Variants in PDE4D observed in about 807,000 individuals in gnomAD.
The protein encoded by PDE4D is phosphodiesterase 4D, also known as 3',5'-cyclic-AMP phosphodiesterase 4D.
PDE4D carries 24 observed loss-of-function variants against 87.4 expected under a neutral mutation model. The observed-to-expected ratio is 0.27, with a 90% CI of 0.20 to 0.39. The LOEUF is 0.39. Ranked by LOEUF, PDE4D falls within the 10% of genes least tolerant of loss-of-function variation. The pLI, the probability that PDE4D is intolerant of heterozygous loss-of-function variation, is 1.00. For synonymous variants in PDE4D, 384 were observed against 383.2 expected, an observed-to-expected ratio of 1.00 and a Z score of -0.02; for missense variants, 714 against 1,041.0, an observed-to-expected ratio of 0.69 and a Z score of 4.32.
intron 1 of PDE4D, among the ~76,000 whole-genome samples, chr5:59,676,490 T>G (rs1487259932): frequency 6.6e-6 from 1 of 152,196 alleles, no homozygotes; most frequent in Non-Finnish European, 1.5e-5. Flanking sequence ...AAGGGACATA[T>G]TAATTTGTGA....
At chr5:59,669,777 A>C (rs1465043939) in intron 1 of PDE4D, among the ~76,000 whole-genome samples, 1 of 150,988 alleles carries the variant, frequency 6.6e-6, no homozygotes, top group Non-Finnish European at 1.5e-5. Context: ...GACTAAAGAC[A>C]CCCCCCCCAA....
At chr5:60,115,909 C>G (rs901654212) in intron 2 of PDE4D, among the ~76,000 whole-genome samples, 1 of 152,002 alleles carries the variant, frequency 6.6e-6, no homozygotes, top group Non-Finnish European at 1.5e-5. Context: ...TAAGATTTTA[C>G]GTGAATGGAG....
intron 6 of PDE4D, among the ~76,000 whole-genome samples, chr5:59,029,012 G>A (rs1756770645): frequency 6.6e-6 from 1 of 152,098 alleles, no homozygotes. Context: ...ACTTGGGTGA[G>A]TATTTAGATT....
rs140298004 is a variant in PDE4D, at chr5:60,282,208, CATATATATATATATAT to C, written c.-89-96537_-89-96522del. On this transcript the variant is annotated intron_variant, in intron 1 of 16. Coordinates refer to the PDE4D transcript ENST00000502484. The stretch of plus-strand genomic sequence containing the variant: ...CTTTAAAGAACAAGAGAGAAATAAA[CATATATATATATATAT>C]ATATATATATATATTTCTCAAAATG... 2.0e-4 allele frequency among the ~76,000 whole-genome samples: 26 copies of C among 128,404 alleles called. No individual in the cohort carries two copies. In the South Asian group the frequency reaches 3.5e-3, roughly 17 times the overall value. The allele number at this position is 128,404 out of a possible 152,430, so 84.2% of individuals were successfully genotyped here.
intron 2 of PDE4D, among the ~76,000 whole-genome samples, chr5:60,020,863 C>T (rs543405779): frequency 7.7e-4 from 118 of 152,298 alleles, no homozygotes; most frequent in Non-Finnish European, 1.3e-3. Flanking sequence ...TCTTTTCTTC[C>T]AGCCATTCTC....
At chr5:60,338,007 A>T (rs975693426) in intron 1 of PDE4D, among the ~76,000 whole-genome samples, 2 of 152,248 alleles carry the variant, frequency 1.3e-5, no homozygotes, top group African/African-American at 4.8e-5. Flanking sequence ...AATAGTAAAC[A>T]GTAAAGTCTC....
chr5:59,403,867 A>C (rs1406605141), intron 1 of PDE4D, among the ~76,000 whole-genome samples: 1 of 152,190 alleles, frequency 6.6e-6, no homozygotes, highest in Non-Finnish European at 1.5e-5. Flanking sequence ...AGCTTTTTCG[A>C]GGAACCTCCA....
chr5:58,980,984 C>T (rs968242645), intron 11 of PDE4D, among the ~76,000 whole-genome samples: 5 of 152,164 alleles, frequency 3.3e-5, no homozygotes, highest in South Asian at 2.1e-4. Flanking sequence ...GTCCAGGCTC[C>T]GAGAAAGCAA....
chr5:60,056,425 A>G (rs1770786233), intron 2 of PDE4D, among the ~76,000 whole-genome samples: 1 of 152,026 alleles, frequency 6.6e-6, no homozygotes, highest in Non-Finnish European at 1.5e-5. Flanking sequence ...TGTCAAAAAA[A>G]AAGCATAGCC....
At chr5:59,535,076 TG>T (rs72213048) in intron 1 of PDE4D, among the ~76,000 whole-genome samples, 5,680 of 107,482 alleles carry the variant, frequency 0.053, 300 homozygotes, top group East Asian at 0.19. Flanking sequence ...TGTGTGTGTG[TG>T]GGGGGGGGGT....
intron 1 of PDE4D, among the ~76,000 whole-genome samples, chr5:59,722,274 C>A (rs1005470913): frequency 1.3e-5 from 2 of 152,170 alleles, no homozygotes; most frequent in African/African-American, 4.8e-5. Context: ...TGCTTTTGAT[C>A]ATATTAATGA....
At chr5:60,341,219 C>T (rs919767110) in intron 1 of PDE4D, among the ~76,000 whole-genome samples, 2 of 152,178 alleles carry the variant, frequency 1.3e-5, no homozygotes, top group Admixed American at 6.5e-5. Context: ...CATTAAACCC[C>T]TATTGCATTA....
intron 1 of PDE4D, among the ~76,000 whole-genome samples, chr5:59,672,134 C>T (rs1747318619): frequency 6.6e-6 from 1 of 152,074 alleles, no homozygotes; most frequent in Non-Finnish European, 1.5e-5. Flanking sequence ...CTCATTTCTG[C>T]CAGTAACAGC....
intron 1 of PDE4D, among the ~76,000 whole-genome samples, chr5:59,350,479 C>CA (rs1780345597): frequency 6.6e-6 from 1 of 152,156 alleles, no homozygotes; most frequent in Non-Finnish European, 1.5e-5. Context: ...CAGGTTCCTT[C>CA]AGCTCTAACC....
intron 1 of PDE4D, among the ~76,000 whole-genome samples, chr5:60,398,308 G>T (rs1029864213): frequency 6.6e-6 from 1 of 152,206 alleles, no homozygotes; most frequent in Non-Finnish European, 1.5e-5. Context: ...AGTGGTCAGA[G>T]CTATAATGAT....
intron 2 of PDE4D, among the ~76,000 whole-genome samples, chr5:60,106,376 C>A (rs1776917160): frequency 6.6e-6 from 1 of 151,218 alleles, no homozygotes; most frequent in Non-Finnish European, 1.5e-5. Flanking sequence ...GAGTGACCTA[C>A]AAAGAGACTT....
intron 5 of PDE4D, among the ~76,000 whole-genome samples, chr5:59,087,861 G>GCC (rs1768003329): frequency 6.6e-6 from 1 of 151,962 alleles, no homozygotes; most frequent in African/African-American, 2.4e-5. Flanking sequence ...CATCCTCAAA[G>GCC]CCCCAGCTCA....
At chr5:59,815,962 T>G (rs1768927917) in intron 1 of PDE4D, among the ~76,000 whole-genome samples, 1 of 152,186 alleles carries the variant, frequency 6.6e-6, no homozygotes, top group Admixed American at 6.5e-5. Context: ...AAAAATAACT[T>G]TCGGGATTTA....
At chr5:60,176,529 G>T (rs781162474) in intron 2 of PDE4D, among the ~76,000 whole-genome samples, 2 of 152,084 alleles carry the variant, frequency 1.3e-5, no homozygotes, top group African/African-American at 4.8e-5. Context: ...TTATAGAAAT[G>T]ATAAGGGTTT....
Sources: gnomAD v4.1 joint callset for allele counts (sites outside exome capture counted in the v4.1 genomes callset) on GRCh38, gnomAD v4.1.1 for gene constraint, MANE v1.5 for transcripts, NCBI Gene and HGNC (gene_info 2026-07-23, HGNC 2026-07-21) for gene names.